Variants in PPARGC1A observed in about 807,000 individuals in gnomAD.
PPARGC1A encodes PPARG coactivator 1 alpha, also known as peroxisome proliferator-activated receptor gamma coactivator 1-alpha.
Under a neutral mutation model 88.7 loss-of-function variants are expected in PPARGC1A, and 25 were observed. The ratio of observed to expected loss-of-function variants is 0.28; its 90% CI spans 0.21 to 0.39. The LOEUF (loss-of-function observed/expected upper bound fraction) is 0.39. PPARGC1A is among the 10% of genes least tolerant of loss of function. PPARGC1A has a pLI of 1.00. For synonymous variants in PPARGC1A, 363 were observed against 355.6 expected (o/e 1.02, Z -0.24); for missense variants, 880 against 968.7 (o/e 0.91, Z 1.22).
At chr4:23,953,145 A>G in the PPARGC1A span, among the ~76,000 whole-genome samples, 1 of 152,128 alleles carries the variant, frequency 6.6e-6, no homozygotes, top group Non-Finnish European at 1.5e-5. Flanking sequence ...AGGAAACACC[A>G]TATTCTATCA....
At chr4:24,274,251 T>C in the PPARGC1A span, among the ~76,000 whole-genome samples, 5 of 152,176 alleles carry the variant, frequency 3.3e-5, no homozygotes, top group African/African-American at 9.7e-5. Flanking sequence ...AAAGTGTCAC[T>C]GTTCACTGGT....
At chr4:24,101,874 C>T in the PPARGC1A span, among the ~76,000 whole-genome samples, 95 of 152,214 alleles carry the variant, frequency 6.2e-4, 3 homozygotes, top group South Asian at 0.019. Context: ...TAGGTACTAA[C>T]GATTGAGAGA....
At chr4:24,060,953 C>T in the PPARGC1A span, among the ~76,000 whole-genome samples, 1 of 152,004 alleles carries the variant, frequency 6.6e-6, no homozygotes, top group African/African-American at 2.4e-5. Context: ...CATAAAGGCA[C>T]CCACCACATA....
chr4:24,439,292 C>G, the PPARGC1A span, among the ~76,000 whole-genome samples: 1 of 152,172 alleles, frequency 6.6e-6, no homozygotes, highest in East Asian at 1.9e-4. Flanking sequence ...GGTAAGAGAA[C>G]CATTTTCATC....
At chr4:23,887,919 A>C (rs945314192) in intron 1 of PPARGC1A, among the ~76,000 whole-genome samples, 14 of 152,264 alleles carry the variant, frequency 9.2e-5, no homozygotes, top group Admixed American at 8.5e-4. Context: ...TGTCTCTATC[A>C]ATCTTAGTAA....
At chr4:24,153,810 T>C in the PPARGC1A span, among the ~76,000 whole-genome samples, 19,108 of 152,120 alleles carry the variant, frequency 0.13, 3,714 homozygotes, top group African/African-American at 0.42. Flanking sequence ...CACTGCAAGT[T>C]GGAAACAACA....
the PPARGC1A span, among the ~76,000 whole-genome samples, chr4:24,178,856 T>C: frequency 6.6e-6 from 1 of 152,224 alleles, no homozygotes; most frequent in South Asian, 2.1e-4. Flanking sequence ...AAATGCATTT[T>C]ATAGCAAAGC....
chr4:24,180,316 T>C, the PPARGC1A span, among the ~76,000 whole-genome samples: 1 of 152,232 alleles, frequency 6.6e-6, no homozygotes, highest in Admixed American at 6.5e-5. Context: ...TCACATTTTT[T>C]ACTTTGCCTA....
the PPARGC1A span, among the ~76,000 whole-genome samples, chr4:24,066,124 C>T: frequency 2.0e-5 from 3 of 151,832 alleles, no homozygotes; most frequent in African/African-American, 4.8e-5. Context: ...AGCTTTCCAC[C>T]GAACACCTCC....
the PPARGC1A span, among the ~76,000 whole-genome samples, chr4:24,423,891 A>T: frequency 6.6e-6 from 1 of 152,226 alleles, no homozygotes; most frequent in African/African-American, 2.4e-5. Flanking sequence ...AACTAGACAC[A>T]TACAAAATGG....
At chr4:24,472,623 C>A in the PPARGC1A span, among the ~76,000 whole-genome samples, 1 of 152,180 alleles carries the variant, frequency 6.6e-6, no homozygotes, top group East Asian at 1.9e-4. The surrounding 1 kb of genome is among the most constrained non-coding windows in gnomAD (Gnocchi z 4.5). Context: ...CGGAAACTCT[C>A]GGCGGTGCTC....
chr4:23,824,404 G>T, intron 6 of PPARGC1A, 51 bp from the exon 7 acceptor site: 1 of 1,606,150 alleles, frequency 6.2e-7, no homozygotes, highest in African/African-American at 1.3e-5. Flanking sequence ...AGTTGCTGTA[G>T]CCAAATGTAT....
At chr4:23,981,649 C>A in the PPARGC1A span, among the ~76,000 whole-genome samples, 54 of 152,270 alleles carry the variant, frequency 3.5e-4, 2 homozygotes, top group African/African-American at 1.3e-3. Flanking sequence ...AGTCCACAAC[C>A]AGAGACCAGA....
the PPARGC1A span, among the ~76,000 whole-genome samples, chr4:24,245,364 G>T: frequency 6.6e-6 from 1 of 152,174 alleles, no homozygotes; most frequent in Non-Finnish European, 1.5e-5. Flanking sequence ...AGCCCACAGC[G>T]CAATATGACA....
chr4:24,261,203 T>C, the PPARGC1A span, among the ~76,000 whole-genome samples: 1 of 152,188 alleles, frequency 6.6e-6, no homozygotes, highest in Non-Finnish European at 1.5e-5. Context: ...CTAGCCTTCA[T>C]GTCTCATCAC....
chr4:24,239,192 A>G, the PPARGC1A span, among the ~76,000 whole-genome samples: 2 of 152,184 alleles, frequency 1.3e-5, no homozygotes, highest in African/African-American at 2.4e-5. Flanking sequence ...TTGAGCATCT[A>G]CTATGGATCA....
chr4:24,436,804 G>C, the PPARGC1A span, among the ~76,000 whole-genome samples: 1 of 147,948 alleles, frequency 6.8e-6, no homozygotes, highest in Non-Finnish European at 1.5e-5. Context: ...ACATCGGTTG[G>C]CCACCCCAGA....
chr4:23,795,655 A>C lies in PPARGC1A; in HGVS notation c.*167T>G, dbSNP rs796639468. The C allele has an allele frequency of 1.8e-6, 1 of 560,064 alleles. No homozygotes were observed. Among genetic ancestry groups the C allele is most frequent in the Non-Finnish European group, 3.1e-6 (1 of 320,464 alleles). The allele number at this position is 560,064 out of a possible 1,614,324, so 34.7% of individuals were successfully genotyped here. On this transcript the variant is annotated 3_prime_UTR_variant, in exon 13 of 13. Coordinates refer to ENST00000264867, the MANE Select transcript of PPARGC1A (RefSeq NM_013261.5). Reference sequence around the variant, plus strand: ...TGTGTTCATGTAAACCATTGTTGTTATTGTTGTTGTTGTTCTTGTTGTATT... The same window carrying C: ...TGTGTTCATGTAAACCATTGTTGTTCTTGTTGTTGTTGTTCTTGTTGTATT...
chr4:24,262,427 C>G, the PPARGC1A span, among the ~76,000 whole-genome samples: 2 of 152,130 alleles, frequency 1.3e-5, no homozygotes, highest in East Asian at 1.9e-4. Context: ...GAGGCTCTGA[C>G]AGTACCCACC....
Sources: gnomAD v4.1 joint callset for allele counts (sites outside exome capture counted in the v4.1 genomes callset) on GRCh38, gnomAD v4.1.1 for gene constraint, Gnocchi (gnomAD v3.1) non-coding constraint, MANE v1.5 for transcripts, NCBI Gene and HGNC (gene_info 2026-07-23, HGNC 2026-07-21) for gene names.